Variants in DDX21 observed in about 807,000 individuals in gnomAD.
DDX21 encodes DExD-box helicase 21, also known as nucleolar RNA helicase 2.
A neutral mutation model predicts 90.0 loss-of-function variants in DDX21; 18 were observed. The ratio of observed to expected loss-of-function variants is 0.20; its 90% confidence interval spans 0.14 to 0.30. DDX21 has a LOEUF of 0.30. Among genes scored for constraint, DDX21 ranks in the 10% least tolerant of loss-of-function variants. The pLI is 1.00. For missense variants in DDX21, 673 were observed against 944.5 expected, an observed-to-expected ratio of 0.71 and a Z score of 3.77; for synonymous variants, 294 against 318.0, an observed-to-expected ratio of 0.92 and a Z score of 0.80.
At chr10:68,968,533 A>G (rs1453248037) in intron 6 of DDX21, among the ~76,000 whole-genome samples, 1 of 152,214 alleles carries the variant, frequency 6.6e-6, no homozygotes, top group African/African-American at 2.4e-5. Context: ...TCCTCAATAT[A>G]CATTGTCAAA....
chr10:68,982,954 A>T lies in DDX21; in HGVS notation c.*142A>T. On this transcript the variant is annotated 3_prime_UTR_variant, in exon 15 of 15. Transcript: ENST00000354185. ...GTCCCTGTCTCTTTCAGACACAGACAAGCTTCATTTAAATTATTTCATCTG... is the reference window on the plus strand; with the variant it reads ...GTCCCTGTCTCTTTCAGACACAGACTAGCTTCATTTAAATTATTTCATCTG... The T allele has an allele frequency of 1.0e-6, 1 of 1,002,030 alleles. No homozygotes were observed. Among genetic ancestry groups the T allele is most frequent in the Non-Finnish European group, 1.4e-6 (1 of 693,920 alleles). 62.1% of individuals were successfully genotyped at this position (1,002,030 alleles called of 1,614,324 possible).
chr10:68,962,367 CCT>C (rs1564625753), intron 3 of DDX21, among the ~76,000 whole-genome samples: 1 of 152,052 alleles, frequency 6.6e-6, no homozygotes, highest in African/African-American at 2.4e-5. Context: ...TTTTTCAGGC[CCT>C]CTGTGGTGGC....
At chr10:68,966,212 C>A (rs1182898324) in intron 5 of DDX21, among the ~76,000 whole-genome samples, 1 of 151,052 alleles carries the variant, frequency 6.6e-6, no homozygotes, top group African/African-American at 2.4e-5. Context: ...AGGAGAGTGG[C>A]GTGAACCTGG....
At chr10:68,974,764 A>G (rs750200536) in intron 11 of DDX21, 21 bp downstream of exon 11, 1 of 1,600,884 alleles carries the variant, frequency 6.2e-7, no homozygotes, top group South Asian at 1.1e-5. Context: ...TACCACTGCT[A>G]TGGTCTGTTT....
At position 68,973,680 on chromosome 10, in the gene DDX21, C is replaced by G. The variant is rs763131852; in HGVS notation, c.1668+16C>G. On this transcript the variant is annotated intron_variant, in intron 10 of 14. Coordinates refer to ENST00000354185, the MANE Select transcript of DDX21 (RefSeq NM_004728.4). ...GCAAAAAGCGGTAAAACTATTCTTA[C>G]CTTTCATTAAGCAAATGTTGAGTTC... 3.7e-5 allele frequency: 60 copies of G among 1,606,640 alleles called. No homozygotes were observed. The highest frequency in any genetic ancestry group is 4.8e-5 in the Non-Finnish European group (57 of 1,176,290).
At position 68,982,537 on chromosome 10, in the gene DDX21, C is replaced by G. The variant is rs1450981613; in HGVS notation, c.2083-6C>G. 2 of 1,596,676 alleles carry G rather than the reference C, an allele frequency of 1.3e-6. No individual in the cohort carries two copies. Among genetic ancestry groups the G allele is most frequent in the Non-Finnish European group, 8.6e-7 (1 of 1,166,678 alleles). ...AGCACACAAAAACAAAACATTCTCTCAACAGGAGAAATGGCATGATTCACG... is the reference window on the plus strand; with the variant it reads ...AGCACACAAAAACAAAACATTCTCTGAACAGGAGAAATGGCATGATTCACG... On this transcript the variant is annotated splice_region_variant and splice_polypyrimidine_tract_variant and intron_variant, in intron 14 of 14. Transcript: ENST00000354185.
At chr10:68,965,014 G>C (rs1589284305) in intron 4 of DDX21, among the ~76,000 whole-genome samples, 1 of 152,034 alleles carries the variant, frequency 6.6e-6, no homozygotes, top group African/African-American at 2.4e-5. Context: ...TACATTGTTG[G>C]CTCTACCTTA....
intron 5 of DDX21, among the ~76,000 whole-genome samples, chr10:68,966,398 T>C (rs1842938857): frequency 6.7e-6 from 1 of 148,256 alleles, no homozygotes. Context: ...TTCCTGATGC[T>C]ATTGTCCTCC....
Position 68,982,869 on chromosome 10 carries a change from G to A in DDX21, c.*57G>A, listed in dbSNP as rs1843214644. ...GAATGATGTTTGGCAATATAGAACT[G>A]AACATTATTTTTCATGCAAAGTTAA... is the stretch of plus-strand genomic sequence containing the variant. On this transcript the variant is annotated 3_prime_UTR_variant, in exon 15 of 15. Coordinates refer to ENST00000354185, the MANE Select transcript of DDX21 (RefSeq NM_004728.4). 1.3e-6 allele frequency: 2 copies of A among 1,580,232 alleles called. No homozygotes were observed. Among genetic ancestry groups the A allele is most frequent in the African/African-American group, 1.4e-5 (1 of 73,484 alleles).
intron 9 of DDX21, among the ~76,000 whole-genome samples, chr10:68,973,333 G>A (rs1390937036): frequency 6.6e-6 from 1 of 152,178 alleles, no homozygotes; most frequent in Non-Finnish European, 1.5e-5. Context: ...TTTAGACAAT[G>A]CTCTTTGTAA....
intron 1 of DDX21, chr10:68,956,582 G>T (rs1053088220): frequency 3.1e-6 from 4 of 1,281,220 alleles, no homozygotes; most frequent in Non-Finnish European, 4.0e-6. Flanking sequence ...TGGTAGAGAG[G>T]CCCTGTTGGA....
At chr10:68,979,445 C>T (rs1843154598) in intron 13 of DDX21, among the ~76,000 whole-genome samples, 1 of 152,160 alleles carries the variant, frequency 6.6e-6, no homozygotes. Flanking sequence ...ATGTTAGGGA[C>T]CCCCAAAAGC....
Position 68,967,152 on chromosome 10 carries a change from A to G in DDX21, c.1039A>G (p.Met347Val). 1.9e-6 allele frequency: 3 copies of G among 1,612,244 alleles called. No individual in the cohort carries two copies. Among genetic ancestry groups the G allele is most frequent in the Non-Finnish European group, 2.5e-6 (3 of 1,179,182 alleles). ...VLDEVDQMLD[M>V]GFADQVEEIL... is the part of the protein sequence containing the mutation. ...GGATGAAGTGGACCAGATGTTGGAT[A>G]TGGGATTTGCTGATCAAGTGGAAGA... Residue 347 changes from methionine (M) to valine (V), a missense_variant, in exon 6 of 15, where the codon ATG (methionine) becomes GTG (valine). Met to Val is a conservative substitution (Grantham distance 21, BLOSUM62 1). Transcript: ENST00000354185.
chr10:68,960,693 C>A (rs1402286011), intron 2 of DDX21, among the ~76,000 whole-genome samples: 1 of 151,506 alleles, frequency 6.6e-6, no homozygotes, highest in Non-Finnish European at 1.5e-5. Flanking sequence ...GAACTCCCAA[C>A]CCCAGGTGAT....
intron 6 of DDX21, among the ~76,000 whole-genome samples, chr10:68,968,442 T>TGTGCC: frequency 6.6e-6 from 1 of 152,212 alleles, no homozygotes; most frequent in Non-Finnish European, 1.5e-5. Context: ...CATGAGCCAC[T>TGTGCC]GTGCCTGGCC....
At chr10:68,982,509 T>C (rs1190071955) in intron 14 of DDX21, 34 bp from the exon 15 acceptor site, 1 of 1,578,046 alleles carries the variant, frequency 6.3e-7, no homozygotes, top group Non-Finnish European at 8.6e-7. Context: ...GAATACTAAT[T>C]AAAGCACACA....
At position 68,961,979 on chromosome 10, in the gene DDX21, A is replaced by G. The variant is rs1285881721; in HGVS notation, c.532-103A>G. The G allele has an allele frequency of 3.4e-6, 3 of 876,592 alleles. No homozygotes were observed. The African/African-American group carries it at 5.1e-5, about 15-fold the overall frequency. 54.3% of individuals were successfully genotyped at this position (876,592 alleles called of 1,614,324 possible). A position where few individuals can be genotyped will look rare whatever the true frequency, so the allele number is the denominator to read the frequency against. On this transcript the variant is annotated intron_variant, in intron 2 of 14. Transcript: ENST00000354185. ...TTGATTTTTAAAGTGATGTGTTTAGAAGAATTGCTTTAGGATAGCTTGTTT... is the reference window on the plus strand; with the variant it reads ...TTGATTTTTAAAGTGATGTGTTTAGGAGAATTGCTTTAGGATAGCTTGTTT...
intron 1 of DDX21, among the ~76,000 whole-genome samples, chr10:68,957,683 G>C (rs533482183): frequency 3.2e-4 from 48 of 152,300 alleles, no homozygotes; most frequent in Non-Finnish European, 5.4e-4. Flanking sequence ...CCACCAGGAT[G>C]GGAAACTCAG....
chr10:68,965,515 A>AG (rs1842927970), intron 5 of DDX21, 21 bp downstream of exon 5: 1 of 1,572,832 alleles, frequency 6.4e-7, no homozygotes, highest in Non-Finnish European at 8.7e-7. Context: ...TCAAAAAGTG[A>AG]GGGAGGTATA....
Sources: gnomAD v4.1 joint callset for allele counts (sites outside exome capture counted in the v4.1 genomes callset) on GRCh38, gnomAD v4.1.1 for gene constraint, MANE v1.5 for transcripts, NCBI Gene and HGNC (gene_info 2026-07-23, HGNC 2026-07-21) for gene names.